The following PIK3C2G variants were observed in gnomAD, a reference collection of about 807,000 sequenced individuals.
PIK3C2G encodes phosphatidylinositol 3-kinase C2 domain-containing subunit gamma.
Under a neutral mutation model 181.1 loss-of-function variants are expected in PIK3C2G, and 168 were observed. The ratio of observed to expected loss-of-function variants is 0.93; its 90% confidence interval spans 0.82 to 1.05. The LOEUF (loss-of-function observed/expected upper bound fraction) is 1.05, where lower values mean the gene tolerates loss of function less well. PIK3C2G is among the 50% of genes least tolerant of loss of function. The pLI is 0.00. For missense variants in PIK3C2G, 1,869 were observed against 1,732.8 expected, an observed-to-expected ratio of 1.08 and a Z score of -1.40; for synonymous variants, 573 against 592.2, an observed-to-expected ratio of 0.97 and a Z score of 0.47.
chr12:18,326,284 T>C (rs907307194), intron 8 of PIK3C2G, among the ~76,000 whole-genome samples: 1 of 152,186 alleles, frequency 6.6e-6, no homozygotes, highest in African/African-American at 2.4e-5. Flanking sequence ...TACAGCTTCT[T>C]CTTCCAGGGA....
chr12:18,327,130 G>A (rs80206631), intron 8 of PIK3C2G, among the ~76,000 whole-genome samples: 112 of 152,036 alleles, frequency 7.4e-4, no homozygotes, highest in East Asian at 5.4e-3. Context: ...ATCATCACTC[G>A]CAGCTAAATT....
intron 1 of PIK3C2G, among the ~76,000 whole-genome samples, chr12:18,265,374 C>A (rs1485104857): frequency 6.6e-6 from 1 of 152,124 alleles, no homozygotes; most frequent in Non-Finnish European, 1.5e-5. Flanking sequence ...CAAAAGGATT[C>A]AATCTTTAGC....
intron 28 of PIK3C2G, among the ~76,000 whole-genome samples, chr12:18,565,508 G>A (rs2136346891): frequency 6.6e-6 from 1 of 152,166 alleles, no homozygotes; most frequent in South Asian, 2.1e-4. Flanking sequence ...TATTGGTGTT[G>A]GTATTGAGAA....
At chr12:18,403,634 T>C (rs1944370854) in intron 16 of PIK3C2G, among the ~76,000 whole-genome samples, 1 of 152,168 alleles carries the variant, frequency 6.6e-6, no homozygotes, top group Non-Finnish European at 1.5e-5. Flanking sequence ...ATATTGCTAT[T>C]TACTTAATCT....
chr12:18,535,483 T>C (rs952053867), intron 24 of PIK3C2G, among the ~76,000 whole-genome samples: 2 of 152,062 alleles, frequency 1.3e-5, no homozygotes, highest in Admixed American at 6.6e-5. Flanking sequence ...CTAATAATGG[T>C]GACTATGGAC....
At chr12:18,607,061 C>A (rs758605808) in intron 30 of PIK3C2G, 1 of 381,486 alleles carries the variant, frequency 2.6e-6, no homozygotes, top group Non-Finnish European at 5.3e-6. Flanking sequence ...ATCCCCTAAA[C>A]AAACTGAGAC....
intron 16 of PIK3C2G, among the ~76,000 whole-genome samples, chr12:18,412,108 G>C (rs1291224415): frequency 1.3e-5 from 2 of 152,124 alleles, no homozygotes; most frequent in East Asian, 3.9e-4. Context: ...TGAGATGAGA[G>C]GGACTGTAAA....
chr12:18,371,228 C>T lies in PIK3C2G; in HGVS notation c.1797C>T (p.Leu599=), dbSNP rs750297452. The T allele has an allele frequency of 1.2e-6, 2 of 1,611,630 alleles. No individual in the cohort carries two copies. Among genetic ancestry groups the T allele is most frequent in the Non-Finnish European group, 1.7e-6 (2 of 1,178,426 alleles). Residue 599 remains leucine, a synonymous_variant, in exon 13 of 33, where the codon CTC becomes CTT. Coordinates refer to ENST00000538779, the MANE Select transcript of PIK3C2G (RefSeq NM_001288772.2). ...EIKSLPRESM[L]TVKLFGIACA... The stretch of plus-strand genomic sequence containing the variant: ...AGTCACTTCCAAGGGAATCCATGCT[C>T]ACTGTAAAACTGTTTGGGATTGCCT...
rs556045463 is a variant in PIK3C2G at position 18,358,236 on chromosome 12, C to T, written c.1626-4528C>T. Among the ~76,000 whole-genome samples, 14 of 152,330 alleles carry T rather than the reference C, an allele frequency of 9.2e-5. No individual in the cohort carries two copies. In the East Asian group the frequency reaches 2.7e-3, roughly 29 times the overall value. On this transcript the variant is annotated intron_variant, in intron 11 of 32. Transcript: ENST00000538779. ...CTTTAGGCTGAGTTTATTTACCAAA[C>T]TAACATTTGCCAGTTCTGCTTACCG... is the stretch of plus-strand genomic sequence containing the variant.
At chr12:18,472,785 C>T (rs1298404610) in intron 18 of PIK3C2G, among the ~76,000 whole-genome samples, 1 of 151,996 alleles carries the variant, frequency 6.6e-6, no homozygotes, top group African/African-American at 2.4e-5. Context: ...CCGCAACTTC[C>T]ACCTCCTGGG....
intron 18 of PIK3C2G, among the ~76,000 whole-genome samples, chr12:18,438,247 C>A (rs931258548): frequency 2.6e-5 from 4 of 151,624 alleles, no homozygotes; most frequent in African/African-American, 9.7e-5. Context: ...GTCTACAGAC[C>A]CCTTTCCAGG....
chr12:18,499,687 TGGA>T (rs750758160), intron 22 of PIK3C2G, among the ~76,000 whole-genome samples: 1 of 151,920 alleles, frequency 6.6e-6, no homozygotes, highest in Non-Finnish European at 1.5e-5. Context: ...TCCCCGGAGG[TGGA>T]GGAGAGGCTC....
At chr12:18,269,331 T>A (rs1423093497) in intron 1 of PIK3C2G, among the ~76,000 whole-genome samples, 1 of 152,190 alleles carries the variant, frequency 6.6e-6, no homozygotes, top group African/African-American at 2.4e-5. Context: ...ACCTATAATT[T>A]TTTTTTTGGT....
chr12:18,597,693 A>C (rs1947451546), intron 30 of PIK3C2G, among the ~76,000 whole-genome samples: 1 of 152,054 alleles, frequency 6.6e-6, no homozygotes, highest in Non-Finnish European at 1.5e-5. Context: ...AATTAGGAAA[A>C]GAGGAAGTCA....
intron 16 of PIK3C2G, among the ~76,000 whole-genome samples, chr12:18,406,806 T>C (rs989766885): frequency 5.9e-5 from 9 of 152,136 alleles, no homozygotes; most frequent in Admixed American, 5.9e-4. Flanking sequence ...TAAGTGTGGA[T>C]ACAGAAGAGA....
chr12:18,565,478 G>A (rs751263817), intron 28 of PIK3C2G, among the ~76,000 whole-genome samples: 6 of 152,084 alleles, frequency 3.9e-5, no homozygotes, highest in Non-Finnish European at 8.8e-5. Context: ...CTGAGGACAA[G>A]ACAAAAGGGC....
At chr12:18,574,072 C>T in intron 29 of PIK3C2G, among the ~76,000 whole-genome samples, 1 of 152,142 alleles carries the variant, frequency 6.6e-6, no homozygotes, top group East Asian at 1.9e-4. Context: ...ATTTTCTTTA[C>T]TGTTAGGTTC....
In PIK3C2G at chr12:18,424,019, G is replaced by A; in HGVS notation, c.2484G>A (p.Gln828=). The A allele has an allele frequency of 1.9e-6, 3 of 1,609,958 alleles. No individual in the cohort carries two copies. The highest frequency in any genetic ancestry group is 2.5e-6 in the Non-Finnish European group (3 of 1,177,688). Residue 828 remains glutamine (Q), a synonymous_variant, in exon 18 of 33, where the codon CAG becomes CAA. Coordinates refer to ENST00000538779, the MANE Select transcript of PIK3C2G (RefSeq NM_001288772.2). ...TCCACCGCTCCTTGCAGAGCATCCA[G>A]GTTGCCCATCGTCTTTACTGGTAAG... The part of the protein sequence containing the change: ...LLLHRSLQSI[Q]VAHRLYWLLK...
rs184918792 is a variant in PIK3C2G, at chr12:18,568,431, A to G, written c.4011+1374A>G. Among the ~76,000 whole-genome samples, 873 of 150,274 alleles carry G rather than the reference A, an allele frequency of 5.8e-3. 1 individual carries two copies. Among genetic ancestry groups the G allele is most frequent in the Middle Eastern group, 0.01 (3 of 292 alleles). ...GTGTGTGTCTGTGTGTGTGTGAGAC[A>G]GAGAGAGAAAGAAAAGAAGAAATTT... is the stretch of plus-strand genomic sequence containing the variant. On this transcript the variant is annotated intron_variant, in intron 29 of 32. Coordinates refer to ENST00000538779, the MANE Select transcript of PIK3C2G (RefSeq NM_001288772.2).
Sources: gnomAD v4.1 joint callset for allele counts (sites outside exome capture counted in the v4.1 genomes callset) on GRCh38, gnomAD v4.1.1 for gene constraint, MANE v1.5 for transcripts, NCBI Gene and HGNC (gene_info 2026-07-23, HGNC 2026-07-21) for gene names.